TMC2: variants seen among roughly 807,000 people sequenced by gnomAD.
TMC2 encodes the protein transmembrane channel-like protein 2.
Under a neutral mutation model 105.9 loss-of-function variants are expected in TMC2, and 102 were observed. The ratio of observed to expected loss-of-function variants is 0.96; its 90% CI spans 0.82 to 1.14. The LOEUF (loss-of-function observed/expected upper bound fraction) is 1.14, where lower values mean the gene tolerates loss of function less well. TMC2 is among the 50% of genes most tolerant of loss of function. The pLI is 0.00. For missense variants in TMC2, 1,093 were observed against 1,134.3 expected (o/e 0.96, Z 0.52); for synonymous variants, 402 against 422.8 (o/e 0.95, Z 0.60).
In TMC2 at chr20:2,616,101, T is replaced by TTC. The variant is rs374364073; in HGVS notation, c.1873-23_1873-22dup. On this transcript the variant is annotated intron_variant, in intron 14 of 19. Coordinates refer to ENST00000358864, the MANE Select transcript of TMC2 (RefSeq NM_080751.3). The surrounding 1 kb of genome is among the most constrained non-coding windows in gnomAD (Gnocchi z 4.8). ...GAATTCACCAAACGTGCTTTTTTTT[T>TTC]TCTCTCTCTCTCTCGCTCCCTCCCT... is the stretch of plus-strand genomic sequence containing the variant. 3.5e-3 allele frequency: 5,098 copies of TTC among 1,474,818 alleles called. 7 individuals carry two copies. The highest frequency in any genetic ancestry group is 3.6e-3 in the Non-Finnish European group (3,840 of 1,077,780). 91.4% of individuals were successfully genotyped at this position (1,474,818 alleles called of 1,614,324 possible).
Position 2,562,026 on chromosome 20 carries a change from G to T in TMC2, c.554+16G>T. The T allele has an allele frequency of 6.2e-7, 1 of 1,610,822 alleles. No individual in the cohort carries two copies. Among genetic ancestry groups the T allele is most frequent in the African/African-American group, 1.3e-5 (1 of 74,928 alleles). ...CAGAGCTCAGGTGAGCAGGCTGCGG[G>T]TCAGCCAGGGCCTTCCGATGTCCAC... On this transcript the variant is annotated intron_variant, in intron 4 of 19. Transcript: ENST00000358864.
intron 16 of TMC2, among the ~76,000 whole-genome samples, chr20:2,624,002 C>T (rs762340496): frequency 9.9e-5 from 15 of 152,186 alleles, no homozygotes; most frequent in Non-Finnish European, 1.8e-4. Flanking sequence ...AGGTGTCAGA[C>T]ACAAAAGACC....
At chr20:2,599,102 G>A (rs373041485) in intron 10 of TMC2, among the ~76,000 whole-genome samples, 2 of 151,760 alleles carry the variant, frequency 1.3e-5, no homozygotes, top group Non-Finnish European at 2.9e-5. Context: ...TCACCATTTT[G>A]GCCAGGCTGA....
At chr20:2,550,219 C>G (rs376050525) in intron 2 of TMC2, among the ~76,000 whole-genome samples, 1 of 151,762 alleles carries the variant, frequency 6.6e-6, no homozygotes, top group Non-Finnish European at 1.5e-5. Flanking sequence ...TGCAGTGACG[C>G]ATGCCTATAG....
chr20:2,638,356 C>CAAAAA (rs58078004), intron 19 of TMC2, among the ~76,000 whole-genome samples: 4 of 142,622 alleles, frequency 2.8e-5, no homozygotes, highest in Admixed American at 1.4e-4. Flanking sequence ...GACTCCATCT[C>CAAAAA]AAAAAAAAAA....
Position 2,579,894 on chromosome 20 carries a change from T to C in TMC2, c.728-56T>C, listed in dbSNP as rs866343877. On this transcript the variant is annotated intron_variant, in intron 6 of 19. Coordinates refer to ENST00000358864, the MANE Select transcript of TMC2 (RefSeq NM_080751.3). ...TCCACCACACACATAAAGTGCTCAA[T>C]AGTGTCCATTTTTTCCTTCTGCAGC... 3.6e-6 allele frequency: 4 copies of C among 1,111,482 alleles called. No individual in the cohort carries two copies. In the Middle Eastern group the frequency reaches 5.9e-4, roughly 164 times the overall value. 68.9% of individuals were successfully genotyped at this position (1,111,482 alleles called of 1,614,324 possible).
intron 2 of TMC2, among the ~76,000 whole-genome samples, chr20:2,541,898 T>TCCG (rs1163521835): frequency 1.8e-5 from 1 of 55,054 alleles, no homozygotes; most frequent in African/African-American, 5.4e-5. Flanking sequence ...AACTGCATTT[T>TCCG]CCGCCGTTTC....
chr20:2,636,312 T>C (rs2086642451), intron 18 of TMC2, among the ~76,000 whole-genome samples: 1 of 152,118 alleles, frequency 6.6e-6, no homozygotes, highest in Non-Finnish European at 1.5e-5. Flanking sequence ...CTCCTACAGG[T>C]TAAAGTGAAT....
Position 2,610,515 on chromosome 20 carries a change from T to C in TMC2, c.1510T>C (p.Trp504Arg), listed in dbSNP as rs755004378. Residue 504 changes from tryptophan (W) to arginine (R), a missense_variant, in exon 12 of 20, where the codon TGG (tryptophan) becomes CGG (arginine). Transcript: ENST00000358864. Reference protein sequence around the residue: ...ENYHPRTGLKWQLGRIFALFL... With the variant: ...ENYHPRTGLKRQLGRIFALFL... ...TTACCACCCACGCACTGGACTGAAG[T>C]GGCAGCTGGGACGCATCTTTGCACT... 2.5e-6 allele frequency: 4 copies of C among 1,613,880 alleles called. No individual in the cohort carries two copies. In the South Asian group the frequency reaches 4.4e-5, roughly 18 times the overall value.
At chr20:2,550,939 A>G (rs1177518501) in intron 2 of TMC2, among the ~76,000 whole-genome samples, 1 of 152,202 alleles carries the variant, frequency 6.6e-6, no homozygotes, top group Non-Finnish European at 1.5e-5. Context: ...AGGTGGCCGT[A>G]AATATTTGTG....
intron 8 of TMC2, among the ~76,000 whole-genome samples, chr20:2,593,261 A>G (rs2086281941): frequency 1.3e-5 from 2 of 152,186 alleles, no homozygotes; most frequent in South Asian, 2.1e-4. Flanking sequence ...AACTGTCCCC[A>G]TGATCCATTC....
At chr20:2,582,630 C>A (rs1218958257) in intron 7 of TMC2, among the ~76,000 whole-genome samples, 1 of 152,084 alleles carries the variant, frequency 6.6e-6, no homozygotes, top group Admixed American at 6.5e-5. Flanking sequence ...CACGCACCAC[C>A]AGACCCGGCT....
intron 2 of TMC2, among the ~76,000 whole-genome samples, chr20:2,538,628 T>C (rs2085867946): frequency 6.6e-6 from 1 of 152,190 alleles, no homozygotes; most frequent in African/African-American, 2.4e-5. Context: ...CTGTGAGCAG[T>C]AGTCCTTAGT....
intron 17 of TMC2, among the ~76,000 whole-genome samples, chr20:2,626,930 C>G (rs77806033): frequency 0.023 from 3,517 of 152,342 alleles, 134 homozygotes; most frequent in African/African-American, 0.077. Context: ...TTCTGCAGCC[C>G]TGAGCTTCTA....
intron 3 of TMC2, among the ~76,000 whole-genome samples, 153 bp from the exon 4 acceptor site, chr20:2,561,705 T>G (rs2086026676): frequency 6.6e-6 from 1 of 152,154 alleles, no homozygotes; most frequent in Non-Finnish European, 1.5e-5. Context: ...AGGGTAGAAT[T>G]TTGGCCTCCG....
intron 16 of TMC2, among the ~76,000 whole-genome samples, chr20:2,619,682 A>G (rs2086510962): frequency 6.6e-6 from 1 of 152,176 alleles, no homozygotes; most frequent in South Asian, 2.1e-4. Context: ...CTAGAACAGA[A>G]GGAATGTGCT....
rs1568505724 is a variant in TMC2 at position 2,561,941 on chromosome 20, A to G, written c.485A>G (p.Glu162Gly). ...ELAQILEQVEEKKKLIATMRS... is the reference protein window; with the variant it reads ...ELAQILEQVEGKKKLIATMRS... ...GCCCAGATCCTGGAGCAGGTGGAAGAAAAAAAGAAGCTCATTGCCACCATG... is the reference window on the plus strand; with the variant it reads ...GCCCAGATCCTGGAGCAGGTGGAAGGAAAAAAGAAGCTCATTGCCACCATG... The change falls in exon 4 of 20, where the codon GAA becomes GGA. Residue 162 changes from glutamate (E) to glycine (G), a missense_variant. Transcript: ENST00000358864. 1 of 1,614,060 alleles carries G rather than the reference A, an allele frequency of 6.2e-7. No homozygotes were observed. The highest frequency in any genetic ancestry group is 1.3e-5 in the African/African-American group (1 of 74,930).
intron 5 of TMC2, among the ~76,000 whole-genome samples, chr20:2,573,562 T>C (rs1260653374): frequency 3.3e-5 from 3 of 91,950 alleles, no homozygotes; most frequent in Non-Finnish European, 6.6e-5. Context: ...TTTTCTTTTC[T>C]TTTTTTTTTT....
chr20:2,583,955 T>G (rs1053884252), intron 7 of TMC2, among the ~76,000 whole-genome samples: 4 of 152,172 alleles, frequency 2.6e-5, no homozygotes, highest in African/African-American at 9.7e-5. Context: ...TTAGGGTAAT[T>G]TGTTATATAG....
Sources: allele counts gnomAD v4.1 joint callset (sites outside exome capture counted in the v4.1 genomes callset), GRCh38; gene constraint gnomAD v4.1.1; non-coding constraint Gnocchi (gnomAD v3.1); transcripts MANE v1.5; gene names NCBI Gene and HGNC (gene_info 2026-07-23, HGNC 2026-07-21).